AGTPBP1: variants seen among roughly 807,000 people sequenced by gnomAD.
The protein encoded by AGTPBP1 is cytosolic carboxypeptidase 1.
AGTPBP1 carries 70 observed loss-of-function variants against 143.9 expected under a neutral mutation model. The observed-to-expected ratio is 0.49, with a 90% confidence interval of 0.40 to 0.59. The LOEUF is 0.59. Among genes scored for constraint, AGTPBP1 ranks in the 20% least tolerant of loss-of-function variants. The probability of loss-of-function intolerance (pLI) is 0.00; values close to 1 mark genes in which losing one functional copy is unlikely to be tolerated. For synonymous variants in AGTPBP1, 463 were observed against 500.2 expected, an observed-to-expected ratio of 0.93 and a Z score of 0.99; for missense variants, 1,229 against 1,464.5, an observed-to-expected ratio of 0.84 and a Z score of 2.62.
At chr9:85,679,375 T>TG (rs1359294154) in intron 4 of AGTPBP1, among the ~76,000 whole-genome samples, 6 of 152,164 alleles carry the variant, frequency 3.9e-5, no homozygotes, top group South Asian at 2.1e-4. Context: ...AGTGTTTTTT[T>TG]TTGTTGTTGT....
At chr9:85,638,102 T>C (rs890244593) in intron 13 of AGTPBP1, among the ~76,000 whole-genome samples, 2 of 147,018 alleles carry the variant, frequency 1.4e-5, no homozygotes, top group African/African-American at 2.6e-5. Flanking sequence ...CGTTACTGCT[T>C]TGCTTTTTAT....
At chr9:85,729,702 A>G (rs1838755424) in intron 1 of AGTPBP1, among the ~76,000 whole-genome samples, 1 of 152,058 alleles carries the variant, frequency 6.6e-6, no homozygotes, top group African/African-American at 2.4e-5. Context: ...AAAAAGAATG[A>G]CCCAATTAAA....
At chr9:85,731,805 A>G (rs757347248) in intron 1 of AGTPBP1, among the ~76,000 whole-genome samples, 33 of 152,286 alleles carry the variant, frequency 2.2e-4, no homozygotes, top group Non-Finnish European at 4.1e-4. Context: ...GATTTCACCT[A>G]TTTTATTGTC....
chr9:85,653,200 T>G (rs550092030), intron 11 of AGTPBP1, among the ~76,000 whole-genome samples: 1 of 141,124 alleles, frequency 7.1e-6, no homozygotes, highest in Non-Finnish European at 1.5e-5. Context: ...AACTCAGGAG[T>G]TCGAGACCAG....
chr9:85,570,642 C>T (rs555052297), intron 25 of AGTPBP1, among the ~76,000 whole-genome samples: 7 of 152,188 alleles, frequency 4.6e-5, no homozygotes, highest in Admixed American at 3.9e-4. Context: ...CCCCTCAGGA[C>T]GTGAGCTCTC....
the AGTPBP1 span, chr9:85,787,831 G>C: frequency 2.6e-5 from 4 of 152,182 alleles, no homozygotes. Context: ...CTTACTCAGA[G>C]TCACCCACTT....
intron 24 of AGTPBP1, among the ~76,000 whole-genome samples, chr9:85,577,475 CA>C (rs558841021): frequency 7.6e-4 from 116 of 152,286 alleles, no homozygotes; most frequent in African/African-American, 2.7e-3. Context: ...TGATCGGGGA[CA>C]GGGGCTGGAA....
In AGTPBP1 at chr9:85,729,157, T is replaced by C. The variant is rs985281929; in HGVS notation, c.-34+12618A>G. Among the ~76,000 whole-genome samples, 7 of 152,016 alleles carry C rather than the reference T, an allele frequency of 4.6e-5. 1 individual carries two copies. The highest frequency in any genetic ancestry group is 7.4e-5 in the Non-Finnish European group (5 of 68,016). ...GTCAAGTCCATTCAGTTGGAAAAAA[T>C]AGTCTCTTCAACAAATGGTGCTGGA... On this transcript the variant is annotated intron_variant, in intron 1 of 25. Transcript: ENST00000357081.
At chr9:85,727,047 C>CG (rs1396657867) in intron 1 of AGTPBP1, among the ~76,000 whole-genome samples, 1 of 152,100 alleles carries the variant, frequency 6.6e-6, no homozygotes, top group Non-Finnish European at 1.5e-5. Context: ...CTCCAAAATT[C>CG]GGCCGGGTGT....
upstream of AGTPBP1, among the ~76,000 whole-genome samples, chr9:85,745,888 A>G (rs528947176): frequency 9.1e-4 from 138 of 152,242 alleles, no homozygotes; most frequent in African/African-American, 3.3e-3. Context: ...TCATTTTCTA[A>G]CAAAGAGCAG....
At chr9:85,618,630 T>C (rs2133521044) in intron 17 of AGTPBP1, among the ~76,000 whole-genome samples, 1 of 151,960 alleles carries the variant, frequency 6.6e-6, no homozygotes, top group East Asian at 1.9e-4. Flanking sequence ...ATGAAAAAGG[T>C]TCATTCAACA....
chr9:85,768,075 A>G, the AGTPBP1 span, among the ~76,000 whole-genome samples: 80 of 152,232 alleles, frequency 5.3e-4, 1 homozygote, highest in Non-Finnish European at 2.9e-5. Flanking sequence ...ATAGTTACCC[A>G]TTGCCACGTA....
At position 85,547,054 on chromosome 9, in the gene AGTPBP1, T is replaced by C; in HGVS notation, c.*55A>G. On this transcript the variant is annotated 3_prime_UTR_variant, in exon 26 of 26. Coordinates refer to ENST00000357081, the MANE Select transcript of AGTPBP1 (RefSeq NM_001330701.2). ...CATTTCTCTCAAGCTTCCTGGGAAA[T>C]AAAAACCAAGATATTTCATTTATTC... 3 of 1,478,066 alleles carry C rather than the reference T, an allele frequency of 2.0e-6. No individual in the cohort carries two copies. Among genetic ancestry groups the C allele is most frequent in the East Asian group, 2.5e-5 (1 of 40,514 alleles). The allele number at this position is 1,478,066 out of a possible 1,614,324, so 91.6% of individuals were successfully genotyped here. A position where few individuals can be genotyped will look rare whatever the true frequency, so the allele number is the denominator to read the frequency against.
At chr9:85,772,667 C>A in the AGTPBP1 span, among the ~76,000 whole-genome samples, 1 of 151,936 alleles carries the variant, frequency 6.6e-6, no homozygotes, top group Non-Finnish European at 1.5e-5. Context: ...GTGGGAGGAT[C>A]ACTTGATCTC....
intron 14 of AGTPBP1, among the ~76,000 whole-genome samples, chr9:85,624,367 T>A (rs914991881): frequency 6.6e-6 from 1 of 152,190 alleles, no homozygotes; most frequent in Non-Finnish European, 1.5e-5. Context: ...ACCCTGAGCT[T>A]CAACCTACTC....
chr9:85,754,215 G>A, the AGTPBP1 span, among the ~76,000 whole-genome samples: 2 of 152,156 alleles, frequency 1.3e-5, no homozygotes, highest in Non-Finnish European at 2.9e-5. Context: ...TGTTTGAGAT[G>A]GAGTCTCGCT....
intron 1 of AGTPBP1, among the ~76,000 whole-genome samples, chr9:85,713,518 C>T (rs950424066): frequency 4.6e-5 from 7 of 151,988 alleles, no homozygotes; most frequent in African/African-American, 1.5e-4. Flanking sequence ...GCGACAAGAG[C>T]GAAACTCCAT....
At chr9:85,632,022 ACT>A (rs1831710286) in intron 14 of AGTPBP1, among the ~76,000 whole-genome samples, 1 of 152,112 alleles carries the variant, frequency 6.6e-6, no homozygotes, top group African/African-American at 2.4e-5. Flanking sequence ...GCAAAATAAT[ACT>A]GTCTATATTG....
In AGTPBP1 at chr9:85,657,530, T is replaced by G. The variant is rs1214704486; in HGVS notation, c.814A>C (p.Ile272Leu). The G allele has an allele frequency of 2.5e-6, 4 of 1,613,872 alleles. No individual in the cohort carries two copies. The highest frequency in any genetic ancestry group is 2.5e-6 in the Non-Finnish European group (3 of 1,179,936). The change falls in exon 10 of 26, where the codon ATT becomes CTT. Residue 272 changes from isoleucine (I) to leucine (L), a missense_variant. By Grantham distance (5) the Ile-to-Leu change is conservative. This residue lies in a region of AGTPBP1 where 743 missense variants were observed against 812.2 expected (regional missense o/e 0.91). Coordinates refer to ENST00000357081, the MANE Select transcript of AGTPBP1 (RefSeq NM_001330701.2). ...GTAACACTTTTTAAACTCTGTAAAA[T>G]TCCTTTCCGAATGAGCATGTTTCTA... is the stretch of plus-strand genomic sequence containing the variant. ...RHRNMLIRKG[I>L]LQSLKSVTNI... is the part of the protein sequence containing the mutation.
Sources: gnomAD v4.1 joint callset for allele counts (sites outside exome capture counted in the v4.1 genomes callset) on GRCh38, gnomAD v4.1.1 for gene constraint, gnomAD v4.1.1 regional missense constraint, MANE v1.5 for transcripts, NCBI Gene and HGNC (gene_info 2026-07-23, HGNC 2026-07-21) for gene names.